Variants in PPARA observed in about 807,000 individuals in gnomAD.
PPARA encodes peroxisome proliferator-activated receptor alpha.
Under a neutral mutation model 42.2 loss-of-function variants are expected in PPARA, and 22 were observed. That is an observed-to-expected ratio of 0.52 (90% CI 0.37 to 0.74). The LOEUF (loss-of-function observed/expected upper bound fraction) is 0.74. Ranked by LOEUF, PPARA falls within the 30% of genes least tolerant of loss-of-function variation. The probability of loss-of-function intolerance (pLI) is 0.00; values close to 1 mark genes in which losing one functional copy is unlikely to be tolerated. For synonymous variants in PPARA, 242 were observed against 239.3 expected, an observed-to-expected ratio of 1.01 and a Z score of -0.10; for missense variants, 465 against 608.2, an observed-to-expected ratio of 0.76 and a Z score of 2.48.
rs1292426057 is a variant in PPARA, at chr22:46,233,855, C to T, written c.1160-1278C>T. 3.3e-5 allele frequency among the ~76,000 whole-genome samples: 5 copies of T among 150,730 alleles called. No individual in the cohort carries two copies. Among genetic ancestry groups the T allele is most frequent in the African/African-American group, 4.9e-5 (2 of 40,942 alleles). ...TTTTTTTTTTTTGAGACAGAGTCTC[C>T]GTCTGTCACCCTGGCTGGAGTGCAG... On this transcript the variant is annotated intron_variant, in intron 8 of 8. Coordinates refer to ENST00000407236, the MANE Select transcript of PPARA (RefSeq NM_005036.6). This position sits in a 1 kb window ranked among gnomAD's most constrained non-coding sequence, Gnocchi z 7.3.
chr22:46,213,272 T>C (rs1036603687), intron 4 of PPARA, among the ~76,000 whole-genome samples: 1 of 152,192 alleles, frequency 6.6e-6, no homozygotes, highest in African/African-American at 2.4e-5. Flanking sequence ...TGACACCACA[T>C]TGTTGTTCTC....
intron 7 of PPARA, chr22:46,220,407 T>C (rs1601791811): frequency 9.7e-6 from 3 of 309,434 alleles, no homozygotes; most frequent in South Asian, 8.6e-5. Flanking sequence ...CTTGAACTCC[T>C]GGGCTCAAGC....
rs1035530778 is a variant in PPARA, at chr22:46,234,657, C to T, written c.1160-476C>T. The stretch of plus-strand genomic sequence containing the variant: ...ATCTGGGATTACAGGCGTGAGCCAC[C>T]GTGCCTGGCCTACAAAACCTAGTTC... On this transcript the variant is annotated intron_variant, in intron 8 of 8. Transcript: ENST00000407236. This position sits in a 1 kb window ranked among gnomAD's most constrained non-coding sequence, Gnocchi z 5.8. Among the ~76,000 whole-genome samples the T allele has an allele frequency of 3.3e-5, 5 of 152,188 alleles. No individual in the cohort carries two copies. The highest frequency in any genetic ancestry group is 4.8e-5 in the African/African-American group (2 of 41,446).
rs188816347 is a variant in PPARA at position 46,180,554 on chromosome 22, G to A, written c.-43+3718G>A. Reference sequence around the variant, plus strand: ...CAGATAAGCTTAAGCTGCAAAACATGTTTTTCTTAAGATGTAAGGCATGTC... The same window carrying A: ...CAGATAAGCTTAAGCTGCAAAACATATTTTTCTTAAGATGTAAGGCATGTC... On this transcript the variant is annotated intron_variant, in intron 3 of 8. Coordinates refer to ENST00000407236, the MANE Select transcript of PPARA (RefSeq NM_005036.6). This position sits in a 1 kb window ranked among gnomAD's most constrained non-coding sequence, Gnocchi z 4.2. Among the ~76,000 whole-genome samples, 159 of 152,296 alleles carry A rather than the reference G, an allele frequency of 1.0e-3. 1 individual carries two copies. The highest frequency in any genetic ancestry group is 3.6e-3 in the African/African-American group (151 of 41,570).
rs1936254881 is a variant in PPARA, at chr22:46,237,486, T to A, written c.*2106T>A. On this transcript the variant is annotated 3_prime_UTR_variant, in exon 9 of 9. Coordinates refer to ENST00000407236, the MANE Select transcript of PPARA (RefSeq NM_005036.6). The surrounding 1 kb of genome is among the most constrained non-coding windows in gnomAD (Gnocchi z 6.7). ...GGTGGCACACATCAGTAGTCCCAGC[T>A]ACTCTGCAGGCTGAGGTGGGAGGAT... 6.6e-6 allele frequency: 1 copy of A among 152,476 alleles called. No individual in the cohort carries two copies. The highest frequency in any genetic ancestry group is 2.4e-5 in the African/African-American group (1 of 41,336). 9.4% of individuals were successfully genotyped at this position (152,476 alleles called of 1,614,324 possible). A position where few individuals can be genotyped will look rare whatever the true frequency, so the allele number is the denominator to read the frequency against.
At chr22:46,166,408 A>G (rs1927068061) in intron 2 of PPARA, among the ~76,000 whole-genome samples, 1 of 152,180 alleles carries the variant, frequency 6.6e-6, no homozygotes, top group Admixed American at 6.5e-5. Context: ...ATTTGGGGTC[A>G]GGAGTTTGAG....
rs57703542 is a variant in PPARA at position 46,171,697 on chromosome 22, C to T, written c.-126-5056C>T. Among the ~76,000 whole-genome samples, 4,448 of 152,096 alleles carry T rather than the reference C, an allele frequency of 0.029. 223 individuals carry two copies. The highest frequency in any genetic ancestry group is 0.1 in the African/African-American group (4,227 of 41,472). On this transcript the variant is annotated intron_variant, in intron 2 of 8. Coordinates refer to ENST00000407236, the MANE Select transcript of PPARA (RefSeq NM_005036.6). This position sits in a 1 kb window ranked among gnomAD's most constrained non-coding sequence, Gnocchi z 5.0. ...AGAGGAACAGCCAGGAAGTGTGACTCGAGCAGTGTCCTGGAGAGGAGGAGG... is the reference window on the plus strand; with the variant it reads ...AGAGGAACAGCCAGGAAGTGTGACTTGAGCAGTGTCCTGGAGAGGAGGAGG...
intron 4 of PPARA, among the ~76,000 whole-genome samples, chr22:46,209,224 G>A (rs2147489746): frequency 6.6e-6 from 1 of 152,148 alleles, no homozygotes; most frequent in South Asian, 2.1e-4. Flanking sequence ...CCAACCACTT[G>A]TTATCTTTTA....
rs146645379 is a variant in PPARA, at chr22:46,184,884, G to A, written c.-43+8048G>A. Among the ~76,000 whole-genome samples, 4 of 152,130 alleles carry A rather than the reference G, an allele frequency of 2.6e-5. No individual in the cohort carries two copies. The highest frequency in any genetic ancestry group is 7.2e-5 in the African/African-American group (3 of 41,428). On this transcript the variant is annotated intron_variant, in intron 3 of 8. Transcript: ENST00000407236. The surrounding 1 kb of genome is among the most constrained non-coding windows in gnomAD (Gnocchi z 4.4). ...AACAAAAAAAGTATTCTGTTGGATC[G>A]TTTGTGTGCGACGTGTTTTTCCCTC...
rs149160924 is a variant in PPARA, at chr22:46,153,542, C to G, written c.-127+1572C>G. On this transcript the variant is annotated intron_variant, in intron 2 of 8. Coordinates refer to ENST00000407236, the MANE Select transcript of PPARA (RefSeq NM_005036.6). Reference sequence around the variant, plus strand: ...AATACTGCAGTGGTTTTCATTAGCTCCTGTTTGTCAAACTTATGAACAGAG... The same window carrying G: ...AATACTGCAGTGGTTTTCATTAGCTGCTGTTTGTCAAACTTATGAACAGAG... Among the ~76,000 whole-genome samples, 1,278 of 152,210 alleles carry G rather than the reference C, an allele frequency of 8.4e-3. 11 individuals carry two copies. Among genetic ancestry groups the G allele is most frequent in the Middle Eastern group, 0.048 (14 of 294 alleles).
chr22:46,202,912 G>C (rs1481361807), intron 4 of PPARA, among the ~76,000 whole-genome samples: 2 of 151,754 alleles, frequency 1.3e-5, no homozygotes, highest in Non-Finnish European at 2.9e-5. Context: ...GAGAAAAAGG[G>C]TTCCAAATTT....
In PPARA at chr22:46,224,508, G is replaced by C. The variant is rs1311914297; in HGVS notation, c.711+4494G>C. 1.3e-5 allele frequency among the ~76,000 whole-genome samples: 2 copies of C among 152,224 alleles called. No individual in the cohort carries two copies. The highest frequency in any genetic ancestry group is 2.9e-5 in the Non-Finnish European group (2 of 68,038). On this transcript the variant is annotated intron_variant, in intron 7 of 8. Coordinates refer to ENST00000407236, the MANE Select transcript of PPARA (RefSeq NM_005036.6). This position sits in a 1 kb window ranked among gnomAD's most constrained non-coding sequence, Gnocchi z 5.7. The stretch of plus-strand genomic sequence containing the variant: ...CTGGAAACACCTTGATCTCTGCCCA[G>C]TGGCCCACATGCGGTCGCCGTTTCA...
In PPARA at chr22:46,240,925, G is replaced by A. The variant is rs1936354800; in HGVS notation, c.*5545G>A. The A allele has an allele frequency of 6.6e-6, 1 of 152,364 alleles. No individual in the cohort carries two copies. Among genetic ancestry groups the A allele is most frequent in the Admixed American group, 6.5e-5 (1 of 15,306 alleles). The allele number at this position is 152,364 out of a possible 1,614,324, so 9.4% of individuals were successfully genotyped here. A position where few individuals can be genotyped will look rare whatever the true frequency, so the allele number is the denominator to read the frequency against. ...TCTTCAGACGTCACAGTCTGGAAGT[G>A]AAATGTCCACAAACATCTGTGGCAG... On this transcript the variant is annotated 3_prime_UTR_variant, in exon 9 of 9. Transcript: ENST00000407236. The surrounding 1 kb of genome is among the most constrained non-coding windows in gnomAD (Gnocchi z 6.0).
Position 46,225,847 on chromosome 22 carries a change from GCA to G in PPARA, c.711+5844_711+5845del, listed in dbSNP as rs1000130952. On this transcript the variant is annotated intron_variant, in intron 7 of 8. Transcript: ENST00000407236. This position sits in a 1 kb window ranked among gnomAD's most constrained non-coding sequence, Gnocchi z 4.1. ...CAGACGCACCTCCACCCCCACACAC[GCA>G]CACACACACATGCACCCACACATGG... Among the ~76,000 whole-genome samples the G allele has an allele frequency of 6.4e-4, 91 of 142,374 alleles. No individual in the cohort carries two copies. Among genetic ancestry groups the G allele is most frequent in the African/African-American group, 2.1e-3 (80 of 37,788 alleles). 93.4% of individuals were successfully genotyped at this position (142,374 alleles called of 152,430 possible).
At chr22:46,213,341 T>C (rs1013305276) in intron 4 of PPARA, among the ~76,000 whole-genome samples, 1 of 152,158 alleles carries the variant, frequency 6.6e-6, no homozygotes, top group Non-Finnish European at 1.5e-5. Context: ...TTACTTGCCA[T>C]CTGTATATCG....
At chr22:46,151,730 G>A (rs1924467171) in intron 1 of PPARA, among the ~76,000 whole-genome samples, 158 bp from the exon 2 acceptor site, 1 of 152,184 alleles carries the variant, frequency 6.6e-6, no homozygotes, top group Admixed American at 6.5e-5. Context: ...TGGGGAACTG[G>A]GTCAGGGCAA....
chr22:46,198,658 CTT>C (rs777398787), intron 4 of PPARA, 67 bp downstream of exon 4: 24,624 of 808,916 alleles, frequency 0.03, no homozygotes, highest in East Asian at 0.042. Flanking sequence ...ACTGTTCTCT[CTT>C]TTTTTTTTTT....
In PPARA at chr22:46,205,543, TATATATATATA is replaced by T. The variant is rs1165320345; in HGVS notation, c.208+6953_208+6963del. Among the ~76,000 whole-genome samples, 7 of 35,914 alleles carry T rather than the reference TATATATATATA, an allele frequency of 1.9e-4. 1 individual carries two copies. Among genetic ancestry groups the T allele is most frequent in the African/African-American group, 1.0e-3 (7 of 6,998 alleles). The allele number at this position is 35,914 out of a possible 152,430, so 23.6% of individuals were successfully genotyped here. ...CCATATATATATATATATATATATA[TATATATATATA>T]TTTTTTTTTTTTTTTTTTTTTTTTT... On this transcript the variant is annotated intron_variant, in intron 4 of 8. Transcript: ENST00000407236.
At position 46,218,245 on chromosome 22, in the gene PPARA, T is replaced by G. The variant is rs549840611; in HGVS notation, c.370-18T>G. ...CAGTGGCCCAGGTCTTTAAATCCAC[T>G]GTGTATTACCCTCACAGGGCTTCTT... is the stretch of plus-strand genomic sequence containing the variant. On this transcript the variant is annotated intron_variant, in intron 5 of 8. Transcript: ENST00000407236. 3.7e-6 allele frequency: 6 copies of G among 1,614,068 alleles called. No homozygotes were observed. The highest frequency in any genetic ancestry group is 5.1e-6 in the Non-Finnish European group (6 of 1,179,974).
Sources: allele counts gnomAD v4.1 joint callset (sites outside exome capture counted in the v4.1 genomes callset), GRCh38; gene constraint gnomAD v4.1.1; non-coding constraint Gnocchi (gnomAD v3.1); transcripts MANE v1.5; gene names NCBI Gene and HGNC (gene_info 2026-07-23, HGNC 2026-07-21).